The following SNX24 variants were observed in gnomAD, a reference collection of about 807,000 sequenced individuals.
SNX24 encodes sorting nexin 24.
SNX24 carries 22 observed loss-of-function variants against 28.7 expected under a neutral mutation model. The ratio of observed to expected loss-of-function variants is 0.77; its 90% CI spans 0.55 to 1.10. The LOEUF is 1.10. Among genes scored for constraint, SNX24 ranks in the 50% least tolerant of loss-of-function variants. SNX24 has a pLI of 0.00. For missense variants in SNX24, 221 were observed against 201.1 expected, an observed-to-expected ratio of 1.10 and a Z score of -0.60; for synonymous variants, 69 against 71.5, an observed-to-expected ratio of 0.96 and a Z score of 0.18.
At chr5:122,867,662 A>G (rs1755781525) in intron 1 of SNX24, among the ~76,000 whole-genome samples, 1 of 152,224 alleles carries the variant, frequency 6.6e-6, no homozygotes, top group South Asian at 2.1e-4. Flanking sequence ...GACTGGGGAA[A>G]GAGGCTGACT....
At chr5:122,887,796 G>A (rs773282580) in intron 1 of SNX24, among the ~76,000 whole-genome samples, 9 of 152,084 alleles carry the variant, frequency 5.9e-5, no homozygotes, top group East Asian at 1.9e-4. Context: ...TCTGCCTCCC[G>A]GATTCAAGTG....
chr5:122,978,843 G>T (rs1433516935), intron 3 of SNX24, among the ~76,000 whole-genome samples: 1 of 152,186 alleles, frequency 6.6e-6, no homozygotes, highest in Non-Finnish European at 1.5e-5. Flanking sequence ...AAAGGTTGCT[G>T]TCCAAAGGCC....
chr5:122,994,609 A>G (rs1292484806), intron 3 of SNX24, among the ~76,000 whole-genome samples: 2 of 152,222 alleles, frequency 1.3e-5, no homozygotes, highest in Non-Finnish European at 2.9e-5. Context: ...GTGTTACATG[A>G]TGATAATTGT....
At chr5:122,967,684 A>T (rs79894609) in intron 3 of SNX24, among the ~76,000 whole-genome samples, 4,595 of 152,274 alleles carry the variant, frequency 0.03, 129 homozygotes, top group East Asian at 0.04. Flanking sequence ...CATCCCCACA[A>T]CCAGGGGCCT....
At chr5:122,904,518 G>A (rs1389797282) in intron 1 of SNX24, among the ~76,000 whole-genome samples, 1 of 151,716 alleles carries the variant, frequency 6.6e-6, no homozygotes, top group African/African-American at 2.4e-5. Flanking sequence ...TTTATATCTG[G>A]TCTTTAAAAA....
At chr5:122,910,446 A>G (rs1332062471) in intron 1 of SNX24, among the ~76,000 whole-genome samples, 1 of 152,190 alleles carries the variant, frequency 6.6e-6, no homozygotes, top group Non-Finnish European at 1.5e-5. Flanking sequence ...GCCTGAGGAA[A>G]GACAGACTTT....
intron 1 of SNX24, among the ~76,000 whole-genome samples, chr5:122,921,981 T>TTC (rs1258747060): frequency 1.3e-5 from 2 of 151,966 alleles, no homozygotes; most frequent in Non-Finnish European, 2.9e-5. Flanking sequence ...AATGTCCTTT[T>TTC]TCTCTCTCTC....
At chr5:122,925,147 G>GCCCCTCCCAT (rs1180001248) in intron 1 of SNX24, among the ~76,000 whole-genome samples, 1 of 59,634 alleles carries the variant, frequency 1.7e-5, no homozygotes, top group African/African-American at 7.2e-5. Flanking sequence ...TCTTACCCCT[G>GCCCCTCCCAT]CCCCTCCCAT....
chr5:122,920,242 AT>A (rs1465235817), intron 1 of SNX24, among the ~76,000 whole-genome samples: 3 of 152,174 alleles, frequency 2.0e-5, no homozygotes, highest in Non-Finnish European at 4.4e-5. Flanking sequence ...TTAACTTGGA[AT>A]TTAAATTTGT....
chr5:122,912,734 GTT>G (rs71223068), intron 1 of SNX24, among the ~76,000 whole-genome samples: 20 of 136,990 alleles, frequency 1.5e-4, no homozygotes, highest in African/African-American at 3.2e-4. Flanking sequence ...AATCATGTGG[GTT>G]TTTTTTTTTT....
intron 2 of SNX24, among the ~76,000 whole-genome samples, chr5:122,943,943 G>T (rs1454815834): frequency 6.6e-6 from 1 of 152,096 alleles, no homozygotes; most frequent in African/African-American, 2.4e-5. Context: ...CACATTTACA[G>T]ACTTGTACCC....
intron 1 of SNX24, among the ~76,000 whole-genome samples, chr5:122,898,189 C>T (rs747618646): frequency 6.6e-6 from 1 of 152,162 alleles, no homozygotes; most frequent in Non-Finnish European, 1.5e-5. Context: ...TTCATGATGA[C>T]TGAGTGTGCC....
chr5:122,918,321 C>A (rs913490501), intron 1 of SNX24, among the ~76,000 whole-genome samples: 5 of 152,006 alleles, frequency 3.3e-5, no homozygotes, highest in Admixed American at 2.6e-4. Flanking sequence ...TGCCCAAGAC[C>A]ATTGTTAAGT....
At chr5:122,917,124 G>A (rs1758210093) in intron 1 of SNX24, among the ~76,000 whole-genome samples, 1 of 151,986 alleles carries the variant, frequency 6.6e-6, no homozygotes, top group Admixed American at 6.6e-5. Flanking sequence ...AAAATTAGCC[G>A]GGTGTGTTGG....
At chr5:123,023,151 A>G (rs973358634) in intron 5 of SNX24, 1 of 152,220 alleles carries the variant, frequency 6.6e-6, no homozygotes, top group Non-Finnish European at 1.5e-5. Context: ...AAATATTCCT[A>G]TTGCAACTGG....
At chr5:122,955,662 T>A (rs982470350) in intron 3 of SNX24, among the ~76,000 whole-genome samples, 3 of 152,166 alleles carry the variant, frequency 2.0e-5, no homozygotes, top group Non-Finnish European at 4.4e-5. Context: ...TCATTACCAT[T>A]AAGATGTAGA....
intron 2 of SNX24, among the ~76,000 whole-genome samples, chr5:122,943,474 T>C (rs1481173673): frequency 1.3e-5 from 2 of 152,182 alleles, no homozygotes. Context: ...CTACTCCCCC[T>C]CTTCCCCCAG....
intron 1 of SNX24, chr5:122,853,693 G>A (rs75098463): frequency 5.8e-4 from 236 of 403,506 alleles, no homozygotes; most frequent in Non-Finnish European, 9.1e-4. Context: ...TTGCAGTGTT[G>A]CCCAGGCAGG....
chr5:122,872,194 A>G (rs188790685), intron 1 of SNX24, among the ~76,000 whole-genome samples: 1 of 151,438 alleles, frequency 6.6e-6, no homozygotes, highest in Non-Finnish European at 1.5e-5. Flanking sequence ...TTATAAAAGC[A>G]GTATATCAAA....
Sources: gnomAD v4.1 joint callset for allele counts (sites outside exome capture counted in the v4.1 genomes callset) on GRCh38, gnomAD v4.1.1 for gene constraint, MANE v1.5 for transcripts, NCBI Gene and HGNC (gene_info 2026-07-23, HGNC 2026-07-21) for gene names.